The following SCFD2 variants were observed in gnomAD, a reference collection of about 807,000 sequenced individuals.
The protein encoded by SCFD2 is sec1 family domain containing 2.
A neutral mutation model predicts 58.9 loss-of-function variants in SCFD2; 54 were observed. The observed-to-expected ratio is 0.92, with a 90% confidence interval of 0.74 to 1.15. The LOEUF is 1.15. Among genes scored for constraint, SCFD2 ranks in the 50% most tolerant of loss-of-function variants. The pLI is 0.00. For synonymous variants in SCFD2, 321 were observed against 335.9 expected (o/e 0.96, Z 0.49); for missense variants, 805 against 836.6 (o/e 0.96, Z 0.47).
intron 2 of SCFD2, among the ~76,000 whole-genome samples, chr4:53,345,148 A>C (rs74400759): frequency 1.3e-5 from 2 of 152,028 alleles, no homozygotes; most frequent in Non-Finnish European, 2.9e-5. Context: ...AAACTACCAC[A>C]AGAGTGAACA....
intron 4 of SCFD2, among the ~76,000 whole-genome samples, chr4:53,234,522 T>C (rs913806089): frequency 6.6e-6 from 1 of 152,226 alleles, no homozygotes; most frequent in Non-Finnish European, 1.5e-5. Flanking sequence ...ATCATATGAA[T>C]GTCTGAGGAG....
intron 6 of SCFD2, among the ~76,000 whole-genome samples, chr4:52,908,486 C>T (rs529090729): frequency 2.0e-5 from 3 of 152,296 alleles, no homozygotes; most frequent in African/African-American, 7.2e-5. Flanking sequence ...TCCCTCAATG[C>T]ACTCTCTGAT....
At chr4:52,957,993 T>A (rs1720750960) in intron 5 of SCFD2, 1 of 152,222 alleles carries the variant, frequency 6.6e-6, no homozygotes, top group Non-Finnish European at 1.5e-5. Flanking sequence ...GGGCTCCTTG[T>A]GTAATTGAAC....
chr4:53,335,676 C>T (rs897428836), intron 2 of SCFD2, among the ~76,000 whole-genome samples: 27 of 152,162 alleles, frequency 1.8e-4, no homozygotes, highest in African/African-American at 6.5e-4. Context: ...GTTTCTTACA[C>T]TATTTCTGAA....
chr4:53,293,174 G>C (rs1353278437), intron 3 of SCFD2, among the ~76,000 whole-genome samples: 1 of 152,094 alleles, frequency 6.6e-6, no homozygotes, highest in Non-Finnish European at 1.5e-5. Context: ...GGAGCTGGAA[G>C]ACATTATCCT....
intron 4 of SCFD2, among the ~76,000 whole-genome samples, chr4:53,213,319 G>A (rs1213192762): frequency 6.6e-6 from 1 of 152,062 alleles, no homozygotes; most frequent in Admixed American, 6.5e-5. Context: ...TCCTCTTGGA[G>A]ATGCATAGTG....
chr4:53,353,317 G>A (rs1306596716), intron 1 of SCFD2, among the ~76,000 whole-genome samples: 10 of 152,160 alleles, frequency 6.6e-5, no homozygotes, highest in Admixed American at 5.9e-4. Flanking sequence ...GGTCTCACTG[G>A]CCTTAGGAGT....
At chr4:53,217,974 A>C (rs1195443490) in intron 4 of SCFD2, among the ~76,000 whole-genome samples, 1 of 152,000 alleles carries the variant, frequency 6.6e-6, no homozygotes, top group Non-Finnish European at 1.5e-5. Flanking sequence ...ATTGGCCCCC[A>C]CTCTCTTCTG....
intron 5 of SCFD2, among the ~76,000 whole-genome samples, chr4:53,114,059 T>G (rs1725250579): frequency 6.6e-6 from 1 of 152,154 alleles, no homozygotes; most frequent in Non-Finnish European, 1.5e-5. Flanking sequence ...ACTTACTAGC[T>G]GTGTGACCTT....
At chr4:52,931,700 T>C (rs1203030403) in intron 5 of SCFD2, among the ~76,000 whole-genome samples, 1 of 152,132 alleles carries the variant, frequency 6.6e-6, no homozygotes, top group Non-Finnish European at 1.5e-5. Flanking sequence ...ATTTCCCCAG[T>C]GTATAGTTTC....
At position 53,145,611 on chromosome 4, in the gene SCFD2, T is replaced by C. The variant is rs201997902; in HGVS notation, c.1312-29A>G. On this transcript the variant is annotated intron_variant, in intron 4 of 8. Transcript: ENST00000401642. ...AAATAAAAAATGATATGAAAATATG[T>C]CAATCTTGTATAAAGACATAATTTA... The C allele has an allele frequency of 2.9e-5, 46 of 1,597,516 alleles. No homozygotes were observed. The East Asian group carries it at 9.6e-4, about 33-fold the overall frequency.
intron 5 of SCFD2, among the ~76,000 whole-genome samples, chr4:53,030,398 T>A (rs1722586751): frequency 6.6e-6 from 1 of 151,418 alleles, no homozygotes; most frequent in Non-Finnish European, 1.5e-5. Context: ...GAATGCAAAA[T>A]GGTACAGACA....
chr4:52,931,697 C>A (rs1719999186), intron 5 of SCFD2, among the ~76,000 whole-genome samples: 1 of 152,098 alleles, frequency 6.6e-6, no homozygotes, highest in South Asian at 2.1e-4. Flanking sequence ...AGTATTTCCC[C>A]AGTGTATAGT....
intron 5 of SCFD2, among the ~76,000 whole-genome samples, chr4:53,060,249 T>C (rs1438075841): frequency 1.3e-5 from 2 of 152,074 alleles, no homozygotes; most frequent in Non-Finnish European, 2.9e-5. Flanking sequence ...ACTTTCTCTA[T>C]GAAAAAAGTA....
intron 4 of SCFD2, among the ~76,000 whole-genome samples, chr4:53,171,869 T>A (rs1727187978): frequency 6.6e-6 from 1 of 151,924 alleles, no homozygotes; most frequent in Admixed American, 6.5e-5. Context: ...TTTATTTTAA[T>A]CTTCTCTCTC....
At chr4:53,130,054 A>G (rs1314699910) in intron 5 of SCFD2, among the ~76,000 whole-genome samples, 1 of 152,236 alleles carries the variant, frequency 6.6e-6, no homozygotes, top group African/African-American at 2.4e-5. Context: ...CCACTATACA[A>G]TATATCCATG....
chr4:53,040,600 C>G (rs1205974904), intron 5 of SCFD2, among the ~76,000 whole-genome samples: 1 of 152,110 alleles, frequency 6.6e-6, no homozygotes, highest in Non-Finnish European at 1.5e-5. Context: ...CTCTATTTGT[C>G]TAAAAATTTC....
chr4:52,897,219 A>T (rs1346135493), intron 7 of SCFD2, among the ~76,000 whole-genome samples: 5 of 152,342 alleles, frequency 3.3e-5, no homozygotes, highest in African/African-American at 1.2e-4. Context: ...GAGAGAGGGC[A>T]TCCCTGTCTT....
At chr4:53,207,384 C>T (rs1353679256) in intron 4 of SCFD2, among the ~76,000 whole-genome samples, 1 of 144,794 alleles carries the variant, frequency 6.9e-6, no homozygotes, top group African/African-American at 2.6e-5. Context: ...TTTCAAACTG[C>T]TATACTGACA....
Sources: allele counts gnomAD v4.1 joint callset (sites outside exome capture counted in the v4.1 genomes callset), GRCh38; gene constraint gnomAD v4.1.1; transcripts MANE v1.5; gene names NCBI Gene and HGNC (gene_info 2026-07-23, HGNC 2026-07-21).